The following P4HB variants were observed in gnomAD, a reference collection of about 807,000 sequenced individuals.
The protein encoded by P4HB is protein disulfide-isomerase.
A neutral mutation model predicts 52.6 loss-of-function variants in P4HB; 20 were observed. The observed-to-expected ratio is 0.38, with a 90% confidence interval of 0.27 to 0.55. The LOEUF is 0.55. Ranked by LOEUF, P4HB falls within the 20% of genes least tolerant of loss-of-function variation. P4HB has a pLI of 0.74. For synonymous variants in P4HB, 296 were observed against 277.9 expected, an observed-to-expected ratio of 1.07 and a Z score of -0.65; for missense variants, 601 against 669.2, an observed-to-expected ratio of 0.90 and a Z score of 1.12.
At position 81,845,586 on chromosome 17, in the gene P4HB, A is replaced by G; in HGVS notation, c.1334T>C (p.Phe445Ser). 6.2e-7 allele frequency: 1 copy of G among 1,608,962 alleles called. No homozygotes were observed. The highest frequency in any genetic ancestry group is 8.5e-7 in the Non-Finnish European group (1 of 1,176,380). Residue 445 changes from phenylalanine (F) to serine (S), a missense_variant, in exon 9 of 11, where the codon TTC becomes TCC. By Grantham distance (155) the Phe-to-Ser change is radical (BLOSUM62 -2). Transcript: ENST00000331483. ...VKVHSFPTLKFFPASADRTVI... is the reference protein window; with the variant it reads ...VKVHSFPTLKSFPASADRTVI... Reference sequence around the variant, plus strand: ...CGTCCTGTCGGCACTGGCAGGAAAGAACTTGAGTGTGGGGAAGCTGTGCAC... The same window carrying G: ...CGTCCTGTCGGCACTGGCAGGAAAGGACTTGAGTGTGGGGAAGCTGTGCAC...
At position 81,859,426 on chromosome 17, in the gene P4HB, C is replaced by T. The variant is rs748920280; in HGVS notation, c.146-39G>A. 4.1e-5 allele frequency: 64 copies of T among 1,571,722 alleles called. 1 individual carries two copies. In the South Asian group the frequency reaches 6.9e-4, roughly 17 times the overall value. Reference sequence around the variant, plus strand: ...TGAGATGCTAGAAAGCAGCCTTGATCCCTAAAGCAGCCTTGATCCCTCAGC... The same window carrying T: ...TGAGATGCTAGAAAGCAGCCTTGATTCCTAAAGCAGCCTTGATCCCTCAGC... On this transcript the variant is annotated intron_variant, in intron 1 of 10. Transcript: ENST00000331483.
chr17:81,854,356 A>G (rs1371282059), intron 4 of P4HB, among the ~76,000 whole-genome samples: 1 of 151,240 alleles, frequency 6.6e-6, no homozygotes, highest in Middle Eastern at 3.2e-3. Context: ...CCTGGACAAC[A>G]CAGCAAAACC....
intron 2 of P4HB, among the ~76,000 whole-genome samples, chr17:81,856,589 C>A (rs541566829): frequency 6.6e-6 from 1 of 151,290 alleles, no homozygotes; most frequent in East Asian, 1.9e-4. Flanking sequence ...CCTGCCTCAG[C>A]GGTCTCCCAA....
intron 4 of P4HB, among the ~76,000 whole-genome samples, chr17:81,852,246 C>T (rs965180970): frequency 1.3e-5 from 2 of 152,200 alleles, no homozygotes; most frequent in Non-Finnish European, 2.9e-5. Flanking sequence ...ATCAGAAGCT[C>T]TCACACCCAT....
intron 2 of P4HB, among the ~76,000 whole-genome samples, chr17:81,856,965 T>C (rs939813780): frequency 3.3e-5 from 5 of 151,834 alleles, no homozygotes; most frequent in Non-Finnish European, 5.9e-5. Flanking sequence ...CTATTTTTTG[T>C]AGAGATGGGG....
rs376060719 is a variant in P4HB, at chr17:81,860,368, G to A, written c.104C>T (p.Ala35Val). 63 of 1,473,188 alleles carry A rather than the reference G, an allele frequency of 4.3e-5. No individual in the cohort carries two copies. In the African/African-American group the frequency reaches 7.6e-4, roughly 18 times the overall value. The allele number at this position is 1,473,188 out of a possible 1,614,324, so 91.3% of individuals were successfully genotyped here. Reference protein sequence around the residue: ...HVLVLRKSNFAEALAAHKYLL... With the variant: ...HVLVLRKSNFVEALAAHKYLL... ...GTACTTGTGGGCCGCCAGCGCCTCC[G>A]CGAAGTTGCTTTTCCGCAGCACCAG... is the stretch of plus-strand genomic sequence containing the variant. The change falls in exon 1 of 11, where the codon GCG (alanine) becomes GTG (valine). Residue 35 changes from alanine (A) to valine (V), a missense_variant. Coordinates refer to ENST00000331483, the MANE Select transcript of P4HB (RefSeq NM_000918.4).
chr17:81,845,528 C>A, intron 9 of P4HB, 33 bp downstream of exon 9: 2 of 1,548,014 alleles, frequency 1.3e-6, no homozygotes, highest in Non-Finnish European at 8.7e-7. Flanking sequence ...CTTCCCAGAG[C>A]CCGCCCCAGC....
At chr17:81,848,681 A>G (rs1471059623) in intron 4 of P4HB, among the ~76,000 whole-genome samples, 2 of 140,180 alleles carry the variant, frequency 1.4e-5, no homozygotes, top group African/African-American at 5.3e-5. Flanking sequence ...GGTTGCGGTG[A>G]GCCGAGATCG....
rs746157609 is a variant in P4HB, at chr17:81,855,577, T to C, written c.362A>G (p.Glu121Gly). 2 of 1,613,404 alleles carry C rather than the reference T, an allele frequency of 1.2e-6. No homozygotes were observed. The highest frequency in any genetic ancestry group is 1.7e-6 in the Non-Finnish European group (2 of 1,179,764). Residue 121 changes from glutamate (E) to glycine (G), a missense_variant, in exon 3 of 11, where the codon GAG (glutamate) becomes GGG (glycine). By Grantham distance (98) the Glu-to-Gly change is moderately conservative. Transcript: ENST00000331483. The surrounding 1 kb of genome is among the most constrained non-coding windows in gnomAD (Gnocchi z 4.3). ...ASPKEYTAGREADDIVNWLKK... is the reference protein window; with the variant it reads ...ASPKEYTAGRGADDIVNWLKK... ...CAGCCAGTTCACGATGTCATCAGCC[T>C]CTCTGCCAGCTAACCCCAAACAAAT...
intron 2 of P4HB, among the ~76,000 whole-genome samples, chr17:81,856,650 T>C (rs867626448): frequency 0.016 from 2,429 of 148,054 alleles, 36 homozygotes; most frequent in Non-Finnish European, 0.02. Flanking sequence ...GTTTCTTCTT[T>C]TTTTTTTTTT....
At position 81,855,697 on chromosome 17, in the gene P4HB, A is replaced by C; in HGVS notation, c.353-111T>G. ...AGCCAGGCTGAGGACACCTGAATCA[A>C]CCTAAGTAAGATGTTCTCCCACCAT... On this transcript the variant is annotated intron_variant, in intron 2 of 10. Coordinates refer to ENST00000331483, the MANE Select transcript of P4HB (RefSeq NM_000918.4). This position sits in a 1 kb window ranked among gnomAD's most constrained non-coding sequence, Gnocchi z 4.3. The C allele has an allele frequency of 7.8e-7, 1 of 1,279,136 alleles. No individual in the cohort carries two copies. The highest frequency in any genetic ancestry group is 2.4e-5 in the Admixed American group (1 of 41,188). The allele number at this position is 1,279,136 out of a possible 1,614,324, so 79.2% of individuals were successfully genotyped here. A position where few individuals can be genotyped will look rare whatever the true frequency, so the allele number is the denominator to read the frequency against.
In P4HB at chr17:81,847,324, A is replaced by G. The variant is rs1169790431; in HGVS notation, c.648T>C (p.Phe216=). 6.2e-7 allele frequency: 1 copy of G among 1,614,066 alleles called. No homozygotes were observed. Among genetic ancestry groups the G allele is most frequent in the East Asian group, 2.2e-5 (1 of 44,880 alleles). Residue 216 remains phenylalanine (F), a synonymous_variant, in exon 5 of 11, where the codon TTT becomes TTC. Coordinates refer to ENST00000331483, the MANE Select transcript of P4HB (RefSeq NM_000918.4). The part of the protein sequence containing the change: ...FKKFDEGRNN[F]EGEVTKENLL... ...GGTTCTCCTTGGTGACCTCCCCTTC[A>G]AAGTTGTTCCGGCCTTCATCAAACT...
At position 81,846,373 on chromosome 17, in the gene P4HB, C is replaced by A; in HGVS notation, c.1056+56G>T. 6.6e-7 allele frequency: 1 copy of A among 1,515,304 alleles called. No individual in the cohort carries two copies. Among genetic ancestry groups the A allele is most frequent in the Non-Finnish European group, 9.1e-7 (1 of 1,093,394 alleles). 93.9% of individuals were successfully genotyped at this position (1,515,304 alleles called of 1,614,324 possible). On this transcript the variant is annotated intron_variant, in intron 7 of 10. Transcript: ENST00000331483. The surrounding 1 kb of genome is among the most constrained non-coding windows in gnomAD (Gnocchi z 5.7). The stretch of plus-strand genomic sequence containing the variant: ...GCCCAGGACACTGAGAGCCCAGAGA[C>A]CCCAAGGTGGCGGCTCTACCCGGGA...
intron 4 of P4HB, among the ~76,000 whole-genome samples, chr17:81,848,690 C>T (rs1406860069): frequency 3.5e-5 from 5 of 141,984 alleles, no homozygotes; most frequent in African/African-American, 1.3e-4. Flanking sequence ...GAGCCGAGAT[C>T]GCACCACTGC....
chr17:81,855,167 T>C lies in P4HB; in HGVS notation c.599A>G (p.Lys200Arg), dbSNP rs775537377. Residue 200 changes from lysine (K) to arginine (R), a missense_variant, in exon 4 of 11, where the codon AAA (lysine) becomes AGA (arginine). Transcript: ENST00000331483. This position sits in a 1 kb window ranked among gnomAD's most constrained non-coding sequence, Gnocchi z 4.3. Reference sequence around the variant, plus strand: ...CTTCTTAAAGAGGACAACCCCATCTTTGTCGAGCTGGTATTTGGAGAACAC... The same window carrying C: ...CTTCTTAAAGAGGACAACCCCATCTCTGTCGAGCTGGTATTTGGAGAACAC... ...SDVFSKYQLD[K>R]DGVVLFKKFD... 6.2e-7 allele frequency: 1 copy of C among 1,614,124 alleles called. No individual in the cohort carries two copies. Among genetic ancestry groups the C allele is most frequent in the South Asian group, 1.1e-5 (1 of 91,088 alleles).
At chr17:81,856,334 C>CTT (rs531626630) in intron 2 of P4HB, among the ~76,000 whole-genome samples, 4 of 130,872 alleles carry the variant, frequency 3.1e-5, no homozygotes, top group Non-Finnish European at 3.2e-5. Context: ...ACCCAACTAA[C>CTT]TTTTTTTTTT....
At chr17:81,854,149 C>T (rs932903171) in intron 4 of P4HB, among the ~76,000 whole-genome samples, 15 of 152,380 alleles carry the variant, frequency 9.8e-5, no homozygotes, top group African/African-American at 3.1e-4. Context: ...GGTGGGAACA[C>T]GCCCAGAGCG....
intron 4 of P4HB, among the ~76,000 whole-genome samples, chr17:81,850,869 C>T (rs2038819804): frequency 6.6e-6 from 1 of 152,066 alleles, no homozygotes; most frequent in Admixed American, 6.5e-5. Context: ...CTCAAGCAAT[C>T]CTCTTGTCCT....
chr17:81,859,465 T>C (rs2038963346), intron 1 of P4HB, 78 bp from the exon 2 acceptor site: 2 of 1,258,614 alleles, frequency 1.6e-6, no homozygotes, highest in South Asian at 1.2e-5. Flanking sequence ...GCTTCCCTTT[T>C]TCCTCTGGCA....
Sources: allele counts gnomAD v4.1 joint callset (sites outside exome capture counted in the v4.1 genomes callset), GRCh38; gene constraint gnomAD v4.1.1; non-coding constraint Gnocchi (gnomAD v3.1); transcripts MANE v1.5; gene names NCBI Gene and HGNC (gene_info 2026-07-23, HGNC 2026-07-21).